NFIX: variants seen among roughly 807,000 people sequenced by gnomAD.
The protein encoded by NFIX is nuclear factor I X, also known as nuclear factor 1 X-type.
Under a neutral mutation model 53.3 loss-of-function variants are expected in NFIX, and 2 were observed. The ratio of observed to expected loss-of-function variants is 0.04; its 90% CI spans 0.02 to 0.12. The LOEUF is 0.12. Ranked by LOEUF, NFIX falls within the 10% of genes least tolerant of loss-of-function variation. The probability of loss-of-function intolerance (pLI) is 1.00; values close to 1 mark genes in which losing one functional copy is unlikely to be tolerated. For missense variants in NFIX, 310 were observed against 674.5 expected, an observed-to-expected ratio of 0.46 and a Z score of 5.99; for synonymous variants, 244 against 289.0, an observed-to-expected ratio of 0.84 and a Z score of 1.58.
chr19:13,005,174 G>A lies in NFIX; in HGVS notation c.27+9310G>A, dbSNP rs2011947895. Among the ~76,000 whole-genome samples the A allele has an allele frequency of 6.6e-6, 1 of 152,190 alleles. No homozygotes were observed. On this transcript the variant is annotated intron_variant, in intron 1 of 10. Transcript: ENST00000592199. This position sits in a 1 kb window ranked among gnomAD's most constrained non-coding sequence, Gnocchi z 4.7. ...GTGGGGCTGTCTCACTAATCCTTTGGCCTTTGACTCCCCAGTTCTGACCCC... is the reference window on the plus strand; with the variant it reads ...GTGGGGCTGTCTCACTAATCCTTTGACCTTTGACTCCCCAGTTCTGACCCC...
intron 2 of NFIX, among the ~76,000 whole-genome samples, chr19:13,026,859 T>G (rs2013405361): frequency 6.6e-6 from 1 of 152,168 alleles, no homozygotes; most frequent in South Asian, 2.1e-4. Flanking sequence ...TAACTTCAAC[T>G]CTCGCAAAGG....
In NFIX at chr19:13,089,080, T is replaced by C. The variant is rs1054463864; in HGVS notation, c.1402+944T>C. 2.6e-5 allele frequency among the ~76,000 whole-genome samples: 4 copies of C among 152,092 alleles called. No individual in the cohort carries two copies. Among genetic ancestry groups the C allele is most frequent in the African/African-American group, 4.8e-5 (2 of 41,382 alleles). ...CACTGCTCTCCGCTCGCTTTGTCTCTCCTCCTTTCTCGTGGTTTGAGTTCT... is the reference window on the plus strand; with the variant it reads ...CACTGCTCTCCGCTCGCTTTGTCTCCCCTCCTTTCTCGTGGTTTGAGTTCT... On this transcript the variant is annotated intron_variant, in intron 9 of 10. Transcript: ENST00000592199. This position sits in a 1 kb window ranked among gnomAD's most constrained non-coding sequence, Gnocchi z 4.8.
chr19:13,044,358 T>C (rs1349278614), intron 2 of NFIX, among the ~76,000 whole-genome samples: 2 of 152,202 alleles, frequency 1.3e-5, no homozygotes, highest in Non-Finnish European at 2.9e-5. Context: ...CTCTGTTCTT[T>C]CCTCTGCAGG....
In NFIX at chr19:13,051,098, AG is replaced by A. The variant is rs1484165886; in HGVS notation, c.560-21945del. Among the ~76,000 whole-genome samples the A allele has an allele frequency of 6.6e-6, 1 of 152,208 alleles. No individual in the cohort carries two copies. Among genetic ancestry groups the A allele is most frequent in the African/African-American group, 2.4e-5 (1 of 41,452 alleles). On this transcript the variant is annotated intron_variant, in intron 2 of 10. Coordinates refer to ENST00000592199, the MANE Select transcript of NFIX (RefSeq NM_001365902.3). This position sits in a 1 kb window ranked among gnomAD's most constrained non-coding sequence, Gnocchi z 5.1. ...TGCATACCTCCAGGAGGATAGTAGC[AG>A]GGGAGCCACGGAGTAGCTGCCCCAT...
Position 13,059,806 on chromosome 19 carries a change from C to T in NFIX, c.560-13241C>T, listed in dbSNP as rs1196073526. ...TTTTTTTTTTTTTTTTTTTTTGAGACGGAGTCTCACTCTGTATCCCAAGCT... is the reference window on the plus strand; with the variant it reads ...TTTTTTTTTTTTTTTTTTTTTGAGATGGAGTCTCACTCTGTATCCCAAGCT... On this transcript the variant is annotated intron_variant, in intron 2 of 10. Coordinates refer to ENST00000592199, the MANE Select transcript of NFIX (RefSeq NM_001365902.3). 6.0e-5 allele frequency among the ~76,000 whole-genome samples: 6 copies of T among 99,432 alleles called. No individual in the cohort carries two copies. In the South Asian group the frequency reaches 1.1e-3, roughly 19 times the overall value. The allele number at this position is 99,432 out of a possible 152,430, so 65.2% of individuals were successfully genotyped here.
chr19:13,015,223 C>T (rs1389022130), intron 1 of NFIX, among the ~76,000 whole-genome samples: 3 of 151,842 alleles, frequency 2.0e-5, no homozygotes, highest in Admixed American at 2.0e-4. Context: ...TAGAGAGATA[C>T]TGTGGGAGGT....
chr19:13,065,861 G>A (rs1232477743), intron 2 of NFIX, among the ~76,000 whole-genome samples: 1 of 152,192 alleles, frequency 6.6e-6, no homozygotes, highest in Non-Finnish European at 1.5e-5. Flanking sequence ...TCCCTGGAGG[G>A]CTCCGGGGCC....
At chr19:13,080,342 C>G (rs1306231724) in intron 7 of NFIX, among the ~76,000 whole-genome samples, 2 of 152,156 alleles carry the variant, frequency 1.3e-5, no homozygotes, top group Non-Finnish European at 2.9e-5. Flanking sequence ...TCACTGAAGC[C>G]TTGAACTCCC....
chr19:13,047,282 C>T (rs2015051813), intron 2 of NFIX, among the ~76,000 whole-genome samples: 1 of 151,594 alleles, frequency 6.6e-6, no homozygotes, highest in African/African-American at 2.4e-5. Flanking sequence ...TAGATGGACT[C>T]CTTTGTTAAG....
In NFIX at chr19:13,001,960, C is replaced by T. The variant is rs899471222; in HGVS notation, c.27+6096C>T. 9.8e-5 allele frequency among the ~76,000 whole-genome samples: 15 copies of T among 152,308 alleles called. No individual in the cohort carries two copies. The highest frequency in any genetic ancestry group is 4.6e-4 in the Admixed American group (7 of 15,312). ...CGGCAGCGAGGTGCGGGCGTGTGTT[C>T]GGGCCGCCCACAGGCCTCCCTCTGT... On this transcript the variant is annotated intron_variant, in intron 1 of 10. Transcript: ENST00000592199. This position sits in a 1 kb window ranked among gnomAD's most constrained non-coding sequence, Gnocchi z 6.5.
At position 13,033,694 on chromosome 19, in the gene NFIX, C is replaced by T. The variant is rs1266815874; in HGVS notation, c.559+8142C>T. On this transcript the variant is annotated intron_variant, in intron 2 of 10. Coordinates refer to ENST00000592199, the MANE Select transcript of NFIX (RefSeq NM_001365902.3). ...GCTTTAGCACCAGGCTAAGTCCTCT[C>T]TATGTATTAATTCCCTGAATTCTCA... Among the ~76,000 whole-genome samples, 5 of 152,344 alleles carry T rather than the reference C, an allele frequency of 3.3e-5. No homozygotes were observed. The East Asian group carries it at 9.6e-4, about 29-fold the overall frequency.
chr19:13,087,955 C>T, intron 8 of NFIX, 34 bp from the exon 9 acceptor site: 1 of 1,535,716 alleles, frequency 6.5e-7, no homozygotes, highest in East Asian at 2.4e-5. Context: ...GTGTGATGTG[C>T]CTTCATGCGT....
In NFIX at chr19:12,998,074, T is replaced by C. The variant is rs189158093; in HGVS notation, c.27+2210T>C. 1.3e-5 allele frequency among the ~76,000 whole-genome samples: 2 copies of C among 152,284 alleles called. No individual in the cohort carries two copies. The highest frequency in any genetic ancestry group is 3.9e-4 in the East Asian group (2 of 5,186). ...CTCTGTTTTTACAAATCTTTCTGCT[T>C]CCATGGTTTGCCCCGCTGGTCTCTG... On this transcript the variant is annotated intron_variant, in intron 1 of 10. Coordinates refer to ENST00000592199, the MANE Select transcript of NFIX (RefSeq NM_001365902.3). The surrounding 1 kb of genome is among the most constrained non-coding windows in gnomAD (Gnocchi z 4.4).
At chr19:13,062,497 G>A (rs77113049) in intron 2 of NFIX, among the ~76,000 whole-genome samples, 2,409 of 152,328 alleles carry the variant, frequency 0.016, 33 homozygotes, top group African/African-American at 0.033. Flanking sequence ...AACAGAGAGG[G>A]CTTGTCCTCA....
At chr19:13,064,082 C>A (rs1010906908) in intron 2 of NFIX, among the ~76,000 whole-genome samples, 1 of 152,128 alleles carries the variant, frequency 6.6e-6, no homozygotes, top group Non-Finnish European at 1.5e-5. Context: ...GGACCCCCCC[C>A]CTCCCCAGGG....
intron 2 of NFIX, among the ~76,000 whole-genome samples, chr19:13,039,056 A>C (rs1413419284): frequency 6.6e-6 from 1 of 152,174 alleles, no homozygotes. Context: ...AATAATCCTC[A>C]GGATATTGCC....
intron 1 of NFIX, among the ~76,000 whole-genome samples, chr19:13,017,248 C>T (rs1289685292): frequency 1.3e-5 from 2 of 152,142 alleles, no homozygotes; most frequent in African/African-American, 4.8e-5. Flanking sequence ...TCAAAGCACC[C>T]CCGGTGTCAT....
At position 13,011,150 on chromosome 19, in the gene NFIX, C is replaced by T. The variant is rs1378009511; in HGVS notation, c.28-13871C>T. 6.6e-6 allele frequency among the ~76,000 whole-genome samples: 1 copy of T among 152,178 alleles called. No individual in the cohort carries two copies. Among genetic ancestry groups the T allele is most frequent in the Non-Finnish European group, 1.5e-5 (1 of 68,040 alleles). ...GCGGGAGCAGCCCTCCCCCTCTCCACTGCGGACGGACATCCCACGTTCTTA... is the reference window on the plus strand; with the variant it reads ...GCGGGAGCAGCCCTCCCCCTCTCCATTGCGGACGGACATCCCACGTTCTTA... On this transcript the variant is annotated intron_variant, in intron 1 of 10. Transcript: ENST00000592199. This position sits in a 1 kb window ranked among gnomAD's most constrained non-coding sequence, Gnocchi z 6.5.
At position 13,002,060 on chromosome 19, in the gene NFIX, C is replaced by T. The variant is rs988251547; in HGVS notation, c.27+6196C>T. 2.6e-5 allele frequency among the ~76,000 whole-genome samples: 4 copies of T among 152,302 alleles called. No homozygotes were observed. The South Asian group carries it at 6.2e-4, about 24-fold the overall frequency. ...GGCCAGCTGGGTGTCCGGCTGTCTC[C>T]GTGGGCCTGAGCCCACTATCCCCGC... On this transcript the variant is annotated intron_variant, in intron 1 of 10. Transcript: ENST00000592199. This position sits in a 1 kb window ranked among gnomAD's most constrained non-coding sequence, Gnocchi z 6.1.
Sources: allele counts gnomAD v4.1 joint callset (sites outside exome capture counted in the v4.1 genomes callset), GRCh38; gene constraint gnomAD v4.1.1; non-coding constraint Gnocchi (gnomAD v3.1); transcripts MANE v1.5; gene names NCBI Gene and HGNC (gene_info 2026-07-23, HGNC 2026-07-21).